The following TANC1 variants were observed in gnomAD, a reference collection of about 807,000 sequenced individuals.
TANC1 encodes the protein protein TANC1.
Under a neutral mutation model 149.7 loss-of-function variants are expected in TANC1, and 77 were observed. The observed-to-expected ratio is 0.51, with a 90% CI of 0.43 to 0.62. The LOEUF (loss-of-function observed/expected upper bound fraction) is 0.62. TANC1 is among the 20% of genes least tolerant of loss of function. The probability of loss-of-function intolerance (pLI) is 0.00; values close to 1 mark genes in which losing one functional copy is unlikely to be tolerated. For synonymous variants in TANC1, 854 were observed against 925.0 expected (o/e 0.92, Z 1.39); for missense variants, 1,985 against 2,321.8 (o/e 0.85, Z 2.98).
At chr2:159,126,070 G>T (rs2049417338) in intron 4 of TANC1, among the ~76,000 whole-genome samples, 1 of 152,138 alleles carries the variant, frequency 6.6e-6, no homozygotes, top group Non-Finnish European at 1.5e-5. Flanking sequence ...GGGTCTGTGT[G>T]ATTATAGCAA....
chr2:158,988,024 G>A (rs939069531), intron 1 of TANC1, among the ~76,000 whole-genome samples: 2 of 152,184 alleles, frequency 1.3e-5, no homozygotes, highest in East Asian at 1.9e-4. Context: ...TGTGGTTGAT[G>A]GTTATCAAGA....
intron 2 of TANC1, among the ~76,000 whole-genome samples, chr2:159,061,286 C>G (rs978013765): frequency 4.6e-5 from 7 of 152,166 alleles, no homozygotes; most frequent in African/African-American, 1.7e-4. Context: ...AGGATACCCC[C>G]CAATATGGCA....
rs187223962 is a variant in TANC1, at chr2:159,050,530, T to G, written c.-15-15366T>G. On this transcript the variant is annotated intron_variant, in intron 2 of 26. Transcript: ENST00000263635. ...CAAGGCTTAGGGTGCCAAGGCATGG[T>G]TTTAGTGCATGTTTTTCTTGCAAAG... is the stretch of plus-strand genomic sequence containing the variant. Among the ~76,000 whole-genome samples the G allele has an allele frequency of 3.3e-5, 5 of 152,226 alleles. No individual in the cohort carries two copies. In the East Asian group the frequency reaches 9.7e-4, roughly 29 times the overall value.
chr2:159,169,781 T>G (rs1490758551), intron 9 of TANC1, among the ~76,000 whole-genome samples: 2 of 152,044 alleles, frequency 1.3e-5, no homozygotes, highest in Admixed American at 6.6e-5. Context: ...TCACCTGAGG[T>G]CAGGAGTTTG....
At chr2:158,991,810 C>T (rs2035660750) in intron 1 of TANC1, among the ~76,000 whole-genome samples, 1 of 152,024 alleles carries the variant, frequency 6.6e-6, no homozygotes, top group Non-Finnish European at 1.5e-5. Flanking sequence ...TTCAGGTGAG[C>T]TGGAAACCAA....
intron 3 of TANC1, among the ~76,000 whole-genome samples, chr2:159,095,833 G>C (rs2046068217): frequency 7.8e-6 from 1 of 127,794 alleles, no homozygotes; most frequent in East Asian, 4.3e-4. Flanking sequence ...ACTTCCTCTT[G>C]ACTCCTAACA....
chr2:159,084,249 C>CA lies in TANC1; in HGVS notation c.62-13373dup, dbSNP rs1281211316. Among the ~76,000 whole-genome samples the CA allele has an allele frequency of 3.0e-3, 383 of 126,534 alleles. 1 individual carries two copies. Among genetic ancestry groups the CA allele is most frequent in the African/African-American group, 5.7e-3 (196 of 34,402 alleles). 83.0% of individuals were successfully genotyped at this position (126,534 alleles called of 152,430 possible). On this transcript the variant is annotated intron_variant, in intron 3 of 26. Coordinates refer to ENST00000263635, the MANE Select transcript of TANC1 (RefSeq NM_033394.3). ...TGGGTGACAGAGCAAGACTCCATCT[C>CA]AAAAAAAAAAAAAAATTCGGTCATT...
At chr2:159,226,108 T>TG in intron 24 of TANC1, 3 of 333,092 alleles carry the variant, frequency 9.0e-6, no homozygotes, top group South Asian at 7.9e-5. Context: ...AGGCAGAGGT[T>TG]GCAGTGAGCT....
At chr2:159,219,614 C>G (rs1299953554) in intron 21 of TANC1, 78 bp from the exon 22 acceptor site, 6 of 1,555,706 alleles carry the variant, frequency 3.9e-6, no homozygotes, top group Middle Eastern at 1.7e-4. Flanking sequence ...GCCGGGTGTT[C>G]CGCAGGTGTG....
chr2:159,129,388 G>T (rs2049835923), intron 4 of TANC1, among the ~76,000 whole-genome samples: 1 of 152,158 alleles, frequency 6.6e-6, no homozygotes, highest in African/African-American at 2.4e-5. Context: ...AGGAAAACTG[G>T]CCGCTGGGAA....
At chr2:158,981,491 T>TTATTTATATATA (rs1553509688) in intron 1 of TANC1, among the ~76,000 whole-genome samples, 2 of 34,354 alleles carry the variant, frequency 5.8e-5, no homozygotes, top group East Asian at 1.8e-3. Context: ...TATATAGCTT[T>TTATTTATATATA]TATATATATA....
Position 159,231,843 on chromosome 2 carries a change from A to T in TANC1, c.*831A>T, listed in dbSNP as rs1166847479. ...TTTTAACAATGGTAGTGCTCCTGGA[A>T]CAATCCTTCCAAGCTCCTCTAAGGA... On this transcript the variant is annotated 3_prime_UTR_variant, in exon 27 of 27. Coordinates refer to ENST00000263635, the MANE Select transcript of TANC1 (RefSeq NM_033394.3). The T allele has an allele frequency of 1.3e-5, 2 of 152,206 alleles. No homozygotes were observed. Among genetic ancestry groups the T allele is most frequent in the African/African-American group, 4.8e-5 (2 of 41,450 alleles). The allele number at this position is 152,206 out of a possible 1,614,324, so 9.4% of individuals were successfully genotyped here. A position where few individuals can be genotyped will look rare whatever the true frequency, so the allele number is the denominator to read the frequency against.
At chr2:158,999,516 T>C (rs183881414) in intron 1 of TANC1, among the ~76,000 whole-genome samples, 1 of 152,220 alleles carries the variant, frequency 6.6e-6, no homozygotes, top group African/African-American at 2.4e-5. Flanking sequence ...CTGGGACAAC[T>C]GCATTGATCC....
At chr2:158,985,610 A>G (rs1303636442) in intron 1 of TANC1, among the ~76,000 whole-genome samples, 1 of 151,942 alleles carries the variant, frequency 6.6e-6, no homozygotes, top group African/African-American at 2.4e-5. Context: ...GGATTTCCTT[A>G]TTTTTGCCAG....
intron 12 of TANC1, among the ~76,000 whole-genome samples, chr2:159,176,018 G>A (rs73967209): frequency 0.024 from 3,599 of 152,222 alleles, 141 homozygotes; most frequent in African/African-American, 0.082. Flanking sequence ...TGACCTTTCC[G>A]GATTGGGCCT....
chr2:159,196,603 C>G lies in TANC1; in HGVS notation c.2980-5C>G. ...GCTGTAACCTTCCCCTACTCCTGCC[C>G]CCAGGTGGACCACTTGGATAAGAAG... On this transcript the variant is annotated splice_polypyrimidine_tract_variant and splice_region_variant and intron_variant, in intron 17 of 26. Transcript: ENST00000263635. 1 of 1,594,238 alleles carries G rather than the reference C, an allele frequency of 6.3e-7. No individual in the cohort carries two copies. Among genetic ancestry groups the G allele is most frequent in the East Asian group, 2.3e-5 (1 of 44,340 alleles).
chr2:158,983,487 A>AAAAAAAAAAAAAAAAAC (rs2034648273), intron 1 of TANC1, among the ~76,000 whole-genome samples: 1 of 145,944 alleles, frequency 6.9e-6, no homozygotes, highest in African/African-American at 2.5e-5. Flanking sequence ...AAAAAAAAAA[A>AAAAAAAAAAAAAAAAAC]CACCAAACAA....
chr2:159,064,267 C>G (rs775564651), intron 2 of TANC1, among the ~76,000 whole-genome samples: 4 of 152,128 alleles, frequency 2.6e-5, no homozygotes, highest in Non-Finnish European at 5.9e-5. Flanking sequence ...TAGTGTTTGC[C>G]CTTTAGGTGA....
At chr2:159,135,906 C>T (rs2050614776) in intron 4 of TANC1, among the ~76,000 whole-genome samples, 1 of 152,030 alleles carries the variant, frequency 6.6e-6, no homozygotes, top group Non-Finnish European at 1.5e-5. Context: ...AAGAGAGCAG[C>T]TTTTGTTTTT....
Sources: gnomAD v4.1 joint callset for allele counts (sites outside exome capture counted in the v4.1 genomes callset) on GRCh38, gnomAD v4.1.1 for gene constraint, MANE v1.5 for transcripts, NCBI Gene and HGNC (gene_info 2026-07-23, HGNC 2026-07-21) for gene names.